DNAH14: variants seen among roughly 807,000 people sequenced by gnomAD.
The protein encoded by DNAH14 is axonemal beta dynein heavy chain 14.
DNAH14 carries 478 observed loss-of-function variants against 520.9 expected under a neutral mutation model. The ratio of observed to expected loss-of-function variants is 0.92; its 90% CI spans 0.85 to 0.99. The LOEUF (loss-of-function observed/expected upper bound fraction) is 0.99. Among genes scored for constraint, DNAH14 ranks in the 50% least tolerant of loss-of-function variants. The pLI, the probability that DNAH14 is intolerant of heterozygous loss-of-function variation, is 0.00. For synonymous variants in DNAH14, 1,581 were observed against 1,757.2 expected (o/e 0.90, Z 2.51); for missense variants, 4,831 against 5,234.5 (o/e 0.92, Z 2.38).
At chr1:224,967,272 A>G (rs2061236265) in intron 5 of DNAH14, among the ~76,000 whole-genome samples, 159 bp from the exon 6 acceptor site, 1 of 152,126 alleles carries the variant, frequency 6.6e-6, no homozygotes, top group Non-Finnish European at 1.5e-5. Context: ...CATTGTTTAG[A>G]CATAATTTGA....
chr1:224,955,482 C>T (rs1484821118), intron 3 of DNAH14, among the ~76,000 whole-genome samples: 1 of 152,102 alleles, frequency 6.6e-6, no homozygotes, highest in Non-Finnish European at 1.5e-5. Flanking sequence ...ATTGGTCTTA[C>T]CTACTAGTGT....
chr1:225,036,177 C>T (rs2066944718), intron 11 of DNAH14, among the ~76,000 whole-genome samples: 1 of 152,086 alleles, frequency 6.6e-6, no homozygotes. Context: ...ACACTCTCAC[C>T]TGGGATGGAG....
intron 36 of DNAH14, among the ~76,000 whole-genome samples, chr1:225,177,822 A>G (rs2083494829): frequency 6.6e-6 from 1 of 152,176 alleles, no homozygotes; most frequent in South Asian, 2.1e-4. Context: ...AGGGTAGTGC[A>G]GAAGGGAAAT....
chr1:224,956,950 G>A (rs2060555490), intron 3 of DNAH14, among the ~76,000 whole-genome samples: 2 of 152,150 alleles, frequency 1.3e-5, no homozygotes, highest in African/African-American at 4.8e-5. Context: ...AGGGATACAA[G>A]TGTTGGGTAA....
intron 20 of DNAH14, among the ~76,000 whole-genome samples, chr1:225,084,638 T>A (rs1438517019): frequency 1.3e-5 from 2 of 151,746 alleles, no homozygotes; most frequent in Admixed American, 1.3e-4. Flanking sequence ...GGTTGATAAT[T>A]TTCACTTTGG....
intron 10 of DNAH14, among the ~76,000 whole-genome samples, chr1:225,021,148 T>G (rs920956374): frequency 2.0e-5 from 3 of 152,054 alleles, no homozygotes; most frequent in Admixed American, 6.6e-5. Flanking sequence ...GCCACATACC[T>G]CAAAATAATC....
At chr1:225,248,831 T>C (rs1052919838) in intron 43 of DNAH14, among the ~76,000 whole-genome samples, 41 of 152,204 alleles carry the variant, frequency 2.7e-4, no homozygotes, top group African/African-American at 9.9e-4. Context: ...GATAGTTGAA[T>C]ACAGGATTTG....
At position 225,272,959 on chromosome 1, in the gene DNAH14, TC is replaced by T; in HGVS notation, c.7846del (p.Leu2616Ter). On this transcript the variant is annotated frameshift_variant, in exon 52 of 86. Coordinates refer to ENST00000682510, the MANE Select transcript of DNAH14 (RefSeq NM_001367479.1). LOFTEE classifies it high-confidence loss of function. ...MFNLRDMFKL[L>X]LGLLQADRTV... is the part of the protein sequence containing the mutation. ...TTATTTTTAAATCCCTAACAGCTTCTCCTAGGATTGCTGCAAGCTGACAGGA... is the reference window on the plus strand; with the variant it reads ...TTATTTTTAAATCCCTAACAGCTTCTCTAGGATTGCTGCAAGCTGACAGGA... The T allele has an allele frequency of 6.5e-7, 1 of 1,532,432 alleles. No homozygotes were observed. The highest frequency in any genetic ancestry group is 8.8e-7 in the Non-Finnish European group (1 of 1,141,902). 94.9% of individuals were successfully genotyped at this position (1,532,432 alleles called of 1,614,324 possible).
chr1:225,316,361 G>A (rs903013193), intron 60 of DNAH14, among the ~76,000 whole-genome samples: 2 of 152,162 alleles, frequency 1.3e-5, no homozygotes, highest in African/African-American at 4.8e-5. Context: ...GGGAGTGAAT[G>A]GTTCTGTCTT....
chr1:224,951,628 C>T (rs910530839), intron 1 of DNAH14, among the ~76,000 whole-genome samples: 14 of 146,312 alleles, frequency 9.6e-5, no homozygotes, highest in African/African-American at 3.1e-4. Flanking sequence ...TTCATACCTA[C>T]TGTGTAGATT....
intron 7 of DNAH14, among the ~76,000 whole-genome samples, chr1:224,971,026 T>A (rs56152573): frequency 0.055 from 8,380 of 152,236 alleles, 471 homozygotes; most frequent in East Asian, 0.24. Context: ...GGAGACTAAA[T>A]GTAGTTGAAG....
intron 17 of DNAH14, among the ~76,000 whole-genome samples, chr1:225,078,898 C>CTCTCTCTCTCTCTCTCT (rs2072759241): frequency 7.6e-6 from 1 of 131,252 alleles, no homozygotes; most frequent in Admixed American, 8.1e-5. Flanking sequence ...CTCTCTCTCT[C>CTCTCTCTCTCTCTCTCT]CCCGCTTTTC....
At chr1:225,233,463 G>A (rs760731799) in intron 42 of DNAH14, among the ~76,000 whole-genome samples, 14 of 152,248 alleles carry the variant, frequency 9.2e-5, no homozygotes, top group South Asian at 2.1e-4. Flanking sequence ...AACCTTGACA[G>A]CATCTGTTGT....
At position 225,105,794 on chromosome 1, in the gene DNAH14, TG is replaced by T. The variant is rs1197550700; in HGVS notation, c.3867+4913del. 7.2e-5 allele frequency among the ~76,000 whole-genome samples: 11 copies of T among 152,224 alleles called. No individual in the cohort carries two copies. In the South Asian group the frequency reaches 2.1e-3, roughly 29 times the overall value. On this transcript the variant is annotated intron_variant, in intron 23 of 85. Coordinates refer to ENST00000682510, the MANE Select transcript of DNAH14 (RefSeq NM_001367479.1). ...CCTATGTGTGTCTCTGCACGTGAGA[TG>T]GGTTTCCTGAATACAGCACACTGAT...
intron 1 of DNAH14, among the ~76,000 whole-genome samples, chr1:224,952,033 AC>A (rs1182230737): frequency 1.3e-5 from 2 of 152,098 alleles, no homozygotes; most frequent in African/African-American, 2.4e-5. Flanking sequence ...GCCAGCTAAA[AC>A]TTTTTCTATT....
intron 69 of DNAH14, 51 bp from the exon 70 acceptor site, chr1:225,345,911 A>G (rs2095279210): frequency 6.9e-6 from 10 of 1,445,180 alleles, no homozygotes; most frequent in East Asian, 2.5e-5. Flanking sequence ...GGAAATAGCC[A>G]TTTACTGTTA....
chr1:225,332,405 G>A (rs1362364225), intron 65 of DNAH14, among the ~76,000 whole-genome samples: 1 of 152,084 alleles, frequency 6.6e-6, no homozygotes, highest in African/African-American at 2.4e-5. Context: ...CCAAAACAGA[G>A]GGCTCTTGCT....
chr1:225,173,355 A>G (rs1196324148), intron 36 of DNAH14, among the ~76,000 whole-genome samples: 2 of 152,216 alleles, frequency 1.3e-5, no homozygotes, highest in Admixed American at 6.5e-5. Flanking sequence ...TTTGCAATCT[A>G]CTCATCTGAC....
chr1:224,970,291 G>C (rs2501147), intron 7 of DNAH14, among the ~76,000 whole-genome samples: 31,703 of 152,000 alleles, frequency 0.21, 4,444 homozygotes, highest in African/African-American at 0.39. Flanking sequence ...AAATTTTGGT[G>C]AGACCGGTTG....
Sources: gnomAD v4.1 joint callset for allele counts (sites outside exome capture counted in the v4.1 genomes callset) on GRCh38, gnomAD v4.1.1 for gene constraint, MANE v1.5 for transcripts, NCBI Gene and HGNC (gene_info 2026-07-23, HGNC 2026-07-21) for gene names.